The following SHOC1 variants were observed in gnomAD, a reference collection of about 807,000 sequenced individuals.
The protein encoded by SHOC1 is shortage in chiasmata 1.
SHOC1 carries 136 observed loss-of-function variants against 179.2 expected under a neutral mutation model. The observed-to-expected ratio is 0.76, with a 90% CI of 0.66 to 0.87. The LOEUF is 0.87. SHOC1 is among the 40% of genes least tolerant of loss of function. The pLI is 0.00. For missense variants in SHOC1, 1,538 were observed against 1,700.8 expected (o/e 0.90, Z 1.68); for synonymous variants, 489 against 586.6 (o/e 0.83, Z 2.41).
At chr9:111,784,011 G>T (rs1423011711) in intron 3 of SHOC1, among the ~76,000 whole-genome samples, 1 of 152,130 alleles carries the variant, frequency 6.6e-6, no homozygotes, top group African/African-American at 2.4e-5. Flanking sequence ...TTGTGGGTGG[G>T]GGAAGACTGG....
intron 20 of SHOC1, 30 bp downstream of exon 20, chr9:111,706,537 GC>G (rs1159584551): frequency 1.4e-6 from 2 of 1,437,790 alleles, no homozygotes; most frequent in Non-Finnish European, 1.8e-6. Context: ...TTCTAATAAA[GC>G]AAAAAAAGGA....
intron 5 of SHOC1, among the ~76,000 whole-genome samples, chr9:111,774,168 T>C (rs1835735759): frequency 6.6e-6 from 1 of 152,104 alleles, no homozygotes. Flanking sequence ...AAGCCATCTC[T>C]TTAAATATAC....
Position 111,758,163 on chromosome 9 carries a change from G to A in SHOC1, c.629C>T (p.Ala210Val). The A allele has an allele frequency of 1.3e-6, 2 of 1,580,812 alleles. No homozygotes were observed. ...ECFSLQETLEAFVKEDFCMDK... is the reference protein window; with the variant it reads ...ECFSLQETLEVFVKEDFCMDK... ...CATACAAAAATCTTCTTTCACAAAA[G>A]CTTCCAAAGTTTCTTGAAGAGAGAA... Residue 210 changes from alanine to valine, a missense_variant, in exon 7 of 28, where the codon GCT (alanine) becomes GTT (valine). By Grantham distance (64) the Ala-to-Val change is moderately conservative (BLOSUM62 0). Transcript: ENST00000682961.
At chr9:111,791,526 A>G (rs1216724560) in intron 1 of SHOC1, 72 bp from the exon 2 acceptor site, 55 of 565,068 alleles carry the variant, frequency 9.7e-5, no homozygotes, top group Non-Finnish European at 1.1e-5. Flanking sequence ...CAATCACAAA[A>G]CTTTGGTTTA....
intron 8 of SHOC1, among the ~76,000 whole-genome samples, chr9:111,750,989 A>G (rs907210665): frequency 6.6e-6 from 1 of 152,086 alleles, no homozygotes; most frequent in Admixed American, 6.6e-5. Context: ...TTTACATTTA[A>G]GTCTTTAATC....
At chr9:111,760,956 ATATAT>A (rs1345700020) in intron 5 of SHOC1, among the ~76,000 whole-genome samples, 1 of 151,518 alleles carries the variant, frequency 6.6e-6, no homozygotes, top group Non-Finnish European at 1.5e-5. Context: ...GAGATTATTT[ATATAT>A]TATAATTATA....
chr9:111,686,623 C>T lies in SHOC1; in HGVS notation c.*147G>A, dbSNP rs1831171930. ...AAGATGCAAACCATAGGGCAGAATA[C>T]ATATTATGAATATTTAATACAGAAA... On this transcript the variant is annotated 3_prime_UTR_variant, in exon 28 of 28. Coordinates refer to ENST00000682961, the MANE Select transcript of SHOC1 (RefSeq NM_001378211.1). 9 of 562,642 alleles carry T rather than the reference C, an allele frequency of 1.6e-5. No individual in the cohort carries two copies. In the South Asian group the frequency reaches 1.9e-4, roughly 12 times the overall value. 34.9% of individuals were successfully genotyped at this position (562,642 alleles called of 1,614,324 possible).
intron 27 of SHOC1, among the ~76,000 whole-genome samples, chr9:111,687,280 C>T (rs1031451740): frequency 6.6e-6 from 1 of 152,070 alleles, no homozygotes; most frequent in African/African-American, 2.4e-5. Context: ...ACTATTCAAA[C>T]GGATTTTGTG....
At chr9:111,780,160 A>G (rs1209226383) in intron 4 of SHOC1, among the ~76,000 whole-genome samples, 3 of 152,198 alleles carry the variant, frequency 2.0e-5, no homozygotes, top group African/African-American at 7.2e-5. Context: ...CAGAGATGGT[A>G]TATTGGGCTT....
chr9:111,758,762 G>C lies in SHOC1; in HGVS notation c.529C>G (p.Leu177Val). 1 of 1,602,604 alleles carries C rather than the reference G, an allele frequency of 6.2e-7. No homozygotes were observed. Among genetic ancestry groups the C allele is most frequent in the Non-Finnish European group, 8.5e-7 (1 of 1,175,160 alleles). The change falls in exon 6 of 28, where the codon CTG becomes GTG. Residue 177 changes from leucine (L) to valine (V), a missense_variant. Physicochemically the swap from Leu to Val is conservative, Grantham distance 32. Transcript: ENST00000682961. The part of the protein sequence containing the change: ...TLPTLLSRLK[L>V]FLVKDPLLDF... ...AAAAGAGGATCCTTTACCAAAAACA[G>C]TTTTAGTCTACTCAAGAGAGTAGGC...
chr9:111,766,208 C>G (rs1175393858), intron 5 of SHOC1, among the ~76,000 whole-genome samples: 2 of 152,156 alleles, frequency 1.3e-5, no homozygotes, highest in East Asian at 3.8e-4. Context: ...CAGTTCCATC[C>G]ATGTTGCTGC....
chr9:111,691,967 A>G lies in SHOC1; in HGVS notation c.4010T>C (p.Phe1337Ser). Residue 1337 changes from phenylalanine (F) to serine (S), a missense_variant, in exon 27 of 28, where the codon TTC becomes TCC. Coordinates refer to ENST00000682961, the MANE Select transcript of SHOC1 (RefSeq NM_001378211.1). ...QKRRTHEAKG[F>S]INKDVSDPIF... The stretch of plus-strand genomic sequence containing the variant: ...AGGGTCCGATACATCTTTATTTATG[A>G]AACCTTTTGCTTCATGTGTTCTCCT... 1.2e-6 allele frequency: 2 copies of G among 1,613,756 alleles called. No individual in the cohort carries two copies. Among genetic ancestry groups the G allele is most frequent in the Non-Finnish European group, 1.7e-6 (2 of 1,179,860 alleles).
intron 3 of SHOC1, among the ~76,000 whole-genome samples, chr9:111,782,922 T>C (rs1253174773): frequency 6.6e-6 from 1 of 152,180 alleles, no homozygotes; most frequent in Admixed American, 6.5e-5. Context: ...CTGGCATAAG[T>C]ACCTGCAAAC....
chr9:111,783,362 T>C (rs958689435), intron 3 of SHOC1: 1 of 152,172 alleles, frequency 6.6e-6, no homozygotes, highest in African/African-American at 2.4e-5. Flanking sequence ...GGCAAACCAC[T>C]CTTATCAAAG....
intron 24 of SHOC1, among the ~76,000 whole-genome samples, chr9:111,697,437 C>T (rs868537955): frequency 9.2e-5 from 14 of 152,176 alleles, no homozygotes; most frequent in African/African-American, 2.6e-4. Flanking sequence ...TGAGAACATG[C>T]AGTGTTTGGT....
At chr9:111,689,257 G>A (rs973773789) in intron 27 of SHOC1, among the ~76,000 whole-genome samples, 2 of 150,930 alleles carry the variant, frequency 1.3e-5, no homozygotes, top group Non-Finnish European at 2.9e-5. Context: ...GTGGTGGTGC[G>A]TACCTTTCGT....
rs528949872 is a variant in SHOC1 at position 111,769,170 on chromosome 9, C to T, written c.442+6621G>A. On this transcript the variant is annotated intron_variant, in intron 5 of 27. Transcript: ENST00000682961. ...ATTCAGTTTACTAGTATTTTGTTGA[C>T]GATTTTTGTATCTATGTTCATTGTT... Among the ~76,000 whole-genome samples, 9 of 151,986 alleles carry T rather than the reference C, an allele frequency of 5.9e-5. No homozygotes were observed. The South Asian group carries it at 6.2e-4, about 11-fold the overall frequency.
intron 8 of SHOC1, among the ~76,000 whole-genome samples, chr9:111,753,835 T>TA (rs1421217144): frequency 1.3e-5 from 2 of 152,156 alleles, no homozygotes; most frequent in African/African-American, 2.4e-5. Context: ...ATGTGGAATC[T>TA]AAAAAGCCGA....
chr9:111,741,478 G>A lies in SHOC1; in HGVS notation c.1172C>T (p.Thr391Ile), dbSNP rs1240666677. ...ACTTAAAGGCAATTAATCTTTACCT[G>A]TAAGCAAAAATGGGTTCAAAGGGCT... is the stretch of plus-strand genomic sequence containing the variant. ...CRSPLNPFLL[T>I]VPRIQEPHSQ... is the part of the protein sequence containing the mutation. The change falls in exon 11 of 28, where the codon ACA becomes ATA. Residue 391 changes from threonine (T) to isoleucine (I), a missense_variant and splice_region_variant. Thr to Ile is a moderately conservative substitution (Grantham distance 89). Transcript: ENST00000682961. 1 of 1,590,746 alleles carries A rather than the reference G, an allele frequency of 6.3e-7. No homozygotes were observed. Among genetic ancestry groups the A allele is most frequent in the East Asian group, 2.2e-5 (1 of 44,488 alleles).
Sources: gnomAD v4.1 joint callset for allele counts (sites outside exome capture counted in the v4.1 genomes callset) on GRCh38, gnomAD v4.1.1 for gene constraint, MANE v1.5 for transcripts, NCBI Gene and HGNC (gene_info 2026-07-23, HGNC 2026-07-21) for gene names.